The following PHLPP2 variants were observed in gnomAD, a reference collection of about 807,000 sequenced individuals.
PHLPP2 encodes PH domain and leucine rich repeat protein phosphatase 2.
In PHLPP2, 66 loss-of-function variants were observed where a neutral mutation model predicts 124.9. That is an observed-to-expected ratio of 0.53 (90% confidence interval 0.43 to 0.65). The LOEUF (loss-of-function observed/expected upper bound fraction) is 0.65. Among genes scored for constraint, PHLPP2 ranks in the 30% least tolerant of loss-of-function variants. The pLI, the probability that PHLPP2 is intolerant of heterozygous loss-of-function variation, is 0.00. For synonymous variants in PHLPP2, 681 were observed against 624.7 expected (o/e 1.09, Z -1.34); for missense variants, 1,685 against 1,600.4 (o/e 1.05, Z -0.90).
chr16:71,650,058 G>A lies in PHLPP2; in HGVS notation c.2818-14C>T. 6.3e-7 allele frequency: 1 copy of A among 1,591,088 alleles called. No homozygotes were observed. Among genetic ancestry groups the A allele is most frequent in the Non-Finnish European group, 8.5e-7 (1 of 1,170,744 alleles). ...CACTTTGTTGTCCTACAGAAGAGCA[G>A]GACACAAATTCTGAGAAACAAGCAA... On this transcript the variant is annotated splice_polypyrimidine_tract_variant and intron_variant, in intron 18 of 18. Transcript: ENST00000568954.
At chr16:71,693,277 A>C (rs530691095) in intron 3 of PHLPP2, among the ~76,000 whole-genome samples, 1 of 152,122 alleles carries the variant, frequency 6.6e-6, no homozygotes, top group Non-Finnish European at 1.5e-5. Flanking sequence ...ACAAAGCGAG[A>C]CTCTGTCTCA....
chr16:71,684,105 T>C (rs924464102), intron 5 of PHLPP2, among the ~76,000 whole-genome samples: 2 of 148,256 alleles, frequency 1.3e-5, no homozygotes, highest in Non-Finnish European at 1.5e-5. Flanking sequence ...AGTTTCAAAA[T>C]ACATTTCTCT....
chr16:71,723,768 C>T (rs2045414569), intron 1 of PHLPP2: 1 of 1,324,552 alleles, frequency 7.5e-7, no homozygotes, highest in Non-Finnish European at 9.8e-7. Context: ...CGCCTCCTCA[C>T]CTTCAGGACC....
chr16:71,715,161 A>C, intron 1 of PHLPP2: 1 of 220,904 alleles, frequency 4.5e-6, no homozygotes, highest in Non-Finnish European at 8.9e-6. Context: ...AGACTAGCCT[A>C]GGTAAGATGG....
chr16:71,708,976 T>TA (rs397768667), intron 2 of PHLPP2, among the ~76,000 whole-genome samples: 6 of 151,518 alleles, frequency 4.0e-5, no homozygotes, highest in Admixed American at 1.3e-4. Flanking sequence ...TCTATTTTTT[T>TA]AAAAAAAGAA....
chr16:71,718,537 G>T (rs942323561), intron 1 of PHLPP2, among the ~76,000 whole-genome samples: 5 of 149,656 alleles, frequency 3.3e-5, no homozygotes, highest in African/African-American at 9.8e-5. Context: ...CCGAGATTGC[G>T]CCACTGCAAT....
In PHLPP2 at chr16:71,680,122, A is replaced by C. The variant is rs561707532; in HGVS notation, c.891-587T>G. Reference sequence around the variant, plus strand: ...AAAAAGGTAGACAATCTTGAAGAACAGCTCTTGCTGGTACAATTCTTTTGT... The same window carrying C: ...AAAAAGGTAGACAATCTTGAAGAACCGCTCTTGCTGGTACAATTCTTTTGT... On this transcript the variant is annotated intron_variant, in intron 6 of 18. Transcript: ENST00000568954. Among the ~76,000 whole-genome samples the C allele has an allele frequency of 7.9e-5, 12 of 152,228 alleles. No individual in the cohort carries two copies. In the South Asian group the frequency reaches 2.5e-3, roughly 32 times the overall value.
At chr16:71,664,473 G>A (rs2044821166) in intron 12 of PHLPP2, among the ~76,000 whole-genome samples, 2 of 152,192 alleles carry the variant, frequency 1.3e-5, no homozygotes, top group South Asian at 2.1e-4. Context: ...TCTGGGCCAG[G>A]CGCAGTGGCT....
At position 71,649,229 on chromosome 16, in the gene PHLPP2, C is replaced by A; in HGVS notation, c.3633G>T (p.Val1211=). The A allele has an allele frequency of 6.2e-7, 1 of 1,613,986 alleles. No homozygotes were observed. The highest frequency in any genetic ancestry group is 8.5e-7 in the Non-Finnish European group (1 of 1,179,914). ...TCATTGGCAGGAGCATGCCACTATT[C>A]ACACTGTTCTGTCTTCGGATCCCAA... ...SCFGIRRQNS[V]NSGMLLPMSK... The change falls in exon 19 of 19, where the codon GTG becomes GTT. Residue 1211 remains valine (V), a synonymous_variant. Transcript: ENST00000568954.
intron 5 of PHLPP2, among the ~76,000 whole-genome samples, chr16:71,683,182 GA>G (rs2045019681): frequency 6.6e-6 from 1 of 151,640 alleles, no homozygotes; most frequent in African/African-American, 2.4e-5. Context: ...AAAAAAAAAG[GA>G]AAAGAAAAGT....
intron 13 of PHLPP2, among the ~76,000 whole-genome samples, chr16:71,662,581 G>A (rs183674032): frequency 5.3e-5 from 8 of 152,124 alleles, no homozygotes; most frequent in Admixed American, 3.3e-4. Flanking sequence ...AATGGTAAAT[G>A]TTCATAAAAA....
intron 9 of PHLPP2, 31 bp downstream of exon 9, chr16:71,676,416 G>C (rs1567618439): frequency 6.3e-7 from 1 of 1,584,720 alleles, no homozygotes; most frequent in South Asian, 1.1e-5. Flanking sequence ...AGCTGAAAGA[G>C]AAAAAACAAA....
At chr16:71,663,170 G>A (rs192454925) in intron 13 of PHLPP2, among the ~76,000 whole-genome samples, 20 of 152,260 alleles carry the variant, frequency 1.3e-4, no homozygotes, top group African/African-American at 4.3e-4. Context: ...GGAGTGCAGT[G>A]GTGCAATCTT....
At chr16:71,668,836 C>T (rs1480673506) in intron 11 of PHLPP2, among the ~76,000 whole-genome samples, 1 of 152,106 alleles carries the variant, frequency 6.6e-6, no homozygotes, top group Non-Finnish European at 1.5e-5. Context: ...AACAAGTTAC[C>T]TAACTGCTCT....
At chr16:71,717,085 T>C (rs1178396715) in intron 1 of PHLPP2, among the ~76,000 whole-genome samples, 2 of 152,148 alleles carry the variant, frequency 1.3e-5, no homozygotes, top group East Asian at 1.9e-4. Flanking sequence ...CTGAACAAAC[T>C]TGGGGGGGAA....
At chr16:71,652,008 G>A (rs996000319) in intron 18 of PHLPP2, among the ~76,000 whole-genome samples, 5 of 152,122 alleles carry the variant, frequency 3.3e-5, no homozygotes, top group African/African-American at 4.8e-5. Flanking sequence ...CCAAAAGCAC[G>A]ATCCATGAGA....
chr16:71,721,606 C>G (rs544971430), intron 1 of PHLPP2, among the ~76,000 whole-genome samples: 9 of 151,704 alleles, frequency 5.9e-5, no homozygotes, highest in Non-Finnish European at 7.4e-5. Flanking sequence ...AAAAAAAAAT[C>G]TTTTTAAATT....
At chr16:71,689,985 G>A (rs1567622840) in intron 4 of PHLPP2, among the ~76,000 whole-genome samples, 1 of 152,142 alleles carries the variant, frequency 6.6e-6, no homozygotes, top group Non-Finnish European at 1.5e-5. Context: ...ATCATGTATA[G>A]ATAGCTTCCT....
At chr16:71,721,641 A>G (rs1186213723) in intron 1 of PHLPP2, among the ~76,000 whole-genome samples, 4 of 142,472 alleles carry the variant, frequency 2.8e-5, no homozygotes, top group African/African-American at 1.0e-4. Context: ...TTGTTTATAC[A>G]TACTTTGCTA....
Sources: gnomAD v4.1 joint callset for allele counts (sites outside exome capture counted in the v4.1 genomes callset) on GRCh38, gnomAD v4.1.1 for gene constraint, MANE v1.5 for transcripts, NCBI Gene and HGNC (gene_info 2026-07-23, HGNC 2026-07-21) for gene names.